The following POU2AF2 variants were observed in gnomAD, a reference collection of about 807,000 sequenced individuals.
POU2AF2 encodes the protein POU class 2 homeobox associating factor 2.
the POU2AF2 span, among the ~76,000 whole-genome samples, chr11:111,253,036 A>AT: frequency 6.6e-6 from 1 of 151,940 alleles, no homozygotes; most frequent in African/African-American, 2.4e-5. Context: ...GTTGCCTCTG[A>AT]TTTTTTTTAA....
chr11:111,247,220 A>AGAGAGAGAGG, the POU2AF2 span, among the ~76,000 whole-genome samples: 3 of 148,934 alleles, frequency 2.0e-5, no homozygotes, highest in Admixed American at 2.0e-4. Context: ...AGAGAGAGAG[A>AGAGAGAGAGG]CCGTATTTCT....
the POU2AF2 span, chr11:111,255,984 C>T: frequency 2.5e-6 from 1 of 399,198 alleles, no homozygotes; most frequent in Non-Finnish European, 4.4e-6. Context: ...TTGCTTAAGT[C>T]CCAGGAGACT....
At chr11:111,258,765 T>A in the POU2AF2 span, among the ~76,000 whole-genome samples, 3 of 152,190 alleles carry the variant, frequency 2.0e-5, no homozygotes, top group African/African-American at 7.2e-5. Context: ...ATTGTGTCAT[T>A]TTTTTTACAA....
chr11:111,281,771 C>A, the POU2AF2 span, among the ~76,000 whole-genome samples: 722 of 152,138 alleles, frequency 4.7e-3, 3 homozygotes, highest in African/African-American at 0.015. Flanking sequence ...AGGGGAAAGC[C>A]GTCTGCGAGC....
the POU2AF2 span, among the ~76,000 whole-genome samples, chr11:111,260,111 T>C: frequency 1.1e-4 from 16 of 152,352 alleles, no homozygotes; most frequent in South Asian, 3.3e-3. Context: ...TCATGGACCA[T>C]CATGTTACGG....
the POU2AF2 span, chr11:111,281,281 A>G: frequency 7.8e-6 from 6 of 764,544 alleles, no homozygotes; most frequent in Admixed American, 6.3e-5. Context: ...GGTCAACCCA[A>G]CTCCCCAGAT....
chr11:111,280,057 A>AAAAAAAAATATATATAT, the POU2AF2 span, among the ~76,000 whole-genome samples: 2 of 76,498 alleles, frequency 2.6e-5, no homozygotes, highest in Non-Finnish European at 5.1e-5. Context: ...AAAAAAAAAA[A>AAAAAAAAATATATATAT]ATATATATAT....
chr11:111,256,784 C>G, the POU2AF2 span, among the ~76,000 whole-genome samples: 1 of 152,296 alleles, frequency 6.6e-6, no homozygotes, highest in African/African-American at 2.4e-5. Flanking sequence ...TTCATTTCCC[C>G]AAGCCATGGA....
At chr11:111,264,556 GAAA>G in the POU2AF2 span, among the ~76,000 whole-genome samples, 1 of 63,324 alleles carries the variant, frequency 1.6e-5, no homozygotes, top group South Asian at 8.4e-4. Context: ...AAGAAAGAAA[GAAA>G]GAAAGAAAGA....
the POU2AF2 span, chr11:111,284,049 G>A: frequency 1.2e-6 from 2 of 1,601,644 alleles, no homozygotes; most frequent in Admixed American, 3.4e-5. Context: ...GGAATTTTCT[G>A]CCCATGTGTT....
chr11:111,283,678 T>C, the POU2AF2 span, among the ~76,000 whole-genome samples: 1 of 152,150 alleles, frequency 6.6e-6, no homozygotes, highest in East Asian at 1.9e-4. Flanking sequence ...CAGGAGCACC[T>C]CTTGTTAACA....
the POU2AF2 span, among the ~76,000 whole-genome samples, chr11:111,279,191 G>A: frequency 6.6e-6 from 1 of 152,154 alleles, no homozygotes; most frequent in Non-Finnish European, 1.5e-5. Flanking sequence ...CTTAGGCACT[G>A]CATCCTGCAA....
the POU2AF2 span, among the ~76,000 whole-genome samples, chr11:111,249,314 C>CA: frequency 8.6e-5 from 13 of 151,346 alleles, no homozygotes; most frequent in South Asian, 1.3e-3. Flanking sequence ...CATTCCTCTC[C>CA]AAAAAAAAGA....
chr11:111,284,170 C>CA, the POU2AF2 span: 3 of 1,614,104 alleles, frequency 1.9e-6, no homozygotes, highest in South Asian at 3.3e-5. Context: ...ATGACGTCTA[C>CA]ACCTCCAGCG....
At chr11:111,271,811 G>A in the POU2AF2 span, among the ~76,000 whole-genome samples, 5 of 152,140 alleles carry the variant, frequency 3.3e-5, no homozygotes, top group South Asian at 2.1e-4. Context: ...TCAGGAGTTC[G>A]AGACCAGCCT....
At chr11:111,246,315 G>T in the POU2AF2 span, among the ~76,000 whole-genome samples, 1 of 152,140 alleles carries the variant, frequency 6.6e-6, no homozygotes. Flanking sequence ...GGCTTTTAAG[G>T]CTAAGAAGTA....
At chr11:111,247,744 G>GCCACA in the POU2AF2 span, among the ~76,000 whole-genome samples, 1 of 151,936 alleles carries the variant, frequency 6.6e-6, no homozygotes, top group East Asian at 2.0e-4. Context: ...CTGAGATCGT[G>GCCACA]CCACTGCACT....
chr11:111,281,317 A>G, the POU2AF2 span: 5 of 1,198,564 alleles, frequency 4.2e-6, no homozygotes, highest in Non-Finnish European at 6.0e-6. Context: ...CATAAAACCA[A>G]GCTTATAAGG....
the POU2AF2 span, among the ~76,000 whole-genome samples, chr11:111,274,450 C>T: frequency 1.3e-5 from 2 of 151,844 alleles, no homozygotes; most frequent in African/African-American, 4.8e-5. Context: ...TCAAATTGTA[C>T]CCTTAAATTT....
Sources: allele counts gnomAD v4.1 joint callset (sites outside exome capture counted in the v4.1 genomes callset), GRCh38; gene constraint gnomAD v4.1.1; transcripts MANE v1.5; gene names NCBI Gene and HGNC (gene_info 2026-07-23, HGNC 2026-07-21).